BMERB1: variants seen among roughly 807,000 people sequenced by gnomAD.
BMERB1 encodes bMERB domain-containing protein 1.
BMERB1 carries 12 observed loss-of-function variants against 23.6 expected under a neutral mutation model. The ratio of observed to expected loss-of-function variants is 0.51; its 90% CI spans 0.33 to 0.82. The LOEUF is 0.82. Ranked by LOEUF, BMERB1 falls within the 40% of genes least tolerant of loss-of-function variation. The pLI, the probability that BMERB1 is intolerant of heterozygous loss-of-function variation, is 0.03. For synonymous variants in BMERB1, 122 were observed against 96.6 expected (o/e 1.26, Z -1.54); for missense variants, 247 against 255.4 (o/e 0.97, Z 0.22).
intron 3 of BMERB1, among the ~76,000 whole-genome samples, chr16:15,573,419 G>C (rs868439364): frequency 6.6e-6 from 1 of 152,100 alleles, no homozygotes. Flanking sequence ...TTTTAAAGAC[G>C]ATTTGGTGGA....
chr16:15,520,632 C>T (rs1040327000), intron 2 of BMERB1, among the ~76,000 whole-genome samples: 14 of 151,868 alleles, frequency 9.2e-5, no homozygotes, highest in Non-Finnish European at 1.0e-4. Flanking sequence ...TACAGGCGCC[C>T]GCCACCACGC....
At chr16:15,541,405 G>GA (rs2052077445) in intron 2 of BMERB1, among the ~76,000 whole-genome samples, 1 of 149,324 alleles carries the variant, frequency 6.7e-6, no homozygotes, top group African/African-American at 2.5e-5. Context: ...AGTGGGACTG[G>GA]AAGTTGCCCG....
At chr16:15,504,810 A>G (rs2051568885) in intron 1 of BMERB1, among the ~76,000 whole-genome samples, 1 of 152,024 alleles carries the variant, frequency 6.6e-6, no homozygotes, top group Admixed American at 6.6e-5. Context: ...AAACCCAAAC[A>G]AGAGAAAAGG....
At chr16:15,445,865 G>A (rs150825) in intron 1 of BMERB1, among the ~76,000 whole-genome samples, 50,391 of 151,894 alleles carry the variant, frequency 0.33, 9,279 homozygotes, top group Middle Eastern at 0.48. Flanking sequence ...CCCCAAACTG[G>A]AAACAACCCA....
At chr16:15,476,332 T>A (rs1227078456) in intron 1 of BMERB1, among the ~76,000 whole-genome samples, 1 of 152,010 alleles carries the variant, frequency 6.6e-6, no homozygotes, top group Admixed American at 6.6e-5. Context: ...CCGGCTAATT[T>A]TTGTAGTTTC....
At chr16:15,468,162 T>TTTTTTTTTTTTTTTTTTTTTTTTTTTC (rs57267276) in intron 1 of BMERB1, among the ~76,000 whole-genome samples, 3 of 64,532 alleles carry the variant, frequency 4.6e-5, no homozygotes, top group African/African-American at 5.0e-5. Context: ...TTTTTTTTTT[T>TTTTTTTTTTTTTTTTTTTTTTTTTTTC]TGAGGCAGGG....
At chr16:15,481,767 G>A (rs544723987) in intron 1 of BMERB1, among the ~76,000 whole-genome samples, 1 of 150,438 alleles carries the variant, frequency 6.6e-6, no homozygotes, top group South Asian at 2.1e-4. Flanking sequence ...TGTCCCTCAG[G>A]CTGGAGTGCA....
At chr16:15,480,482 A>G (rs1471315466) in intron 1 of BMERB1, among the ~76,000 whole-genome samples, 2 of 151,664 alleles carry the variant, frequency 1.3e-5, no homozygotes, top group South Asian at 4.2e-4. Flanking sequence ...AGTCTATCCT[A>G]TCCCTACTAA....
At chr16:15,487,957 C>G (rs929710035) in intron 1 of BMERB1, among the ~76,000 whole-genome samples, 1 of 152,134 alleles carries the variant, frequency 6.6e-6, no homozygotes, top group South Asian at 2.1e-4. Context: ...GCTTCTTTAC[C>G]GCAACCTGTT....
intron 2 of BMERB1, among the ~76,000 whole-genome samples, chr16:15,557,459 T>C (rs1354496570): frequency 6.6e-6 from 1 of 152,194 alleles, no homozygotes; most frequent in African/African-American, 2.4e-5. Context: ...TATGATTTAA[T>C]GGCATTGGAA....
intron 1 of BMERB1, among the ~76,000 whole-genome samples, chr16:15,495,948 G>T (rs538234386): frequency 6.6e-6 from 1 of 151,828 alleles, no homozygotes; most frequent in South Asian, 2.1e-4. Flanking sequence ...TTCTTTTGTT[G>T]ATGGTGGTGA....
chr16:15,574,982 G>A (rs2030821788), intron 3 of BMERB1, among the ~76,000 whole-genome samples: 1 of 152,188 alleles, frequency 6.6e-6, no homozygotes, highest in Non-Finnish European at 1.5e-5. Flanking sequence ...GGGAGACTGA[G>A]GCAGGAGAAT....
intron 1 of BMERB1, among the ~76,000 whole-genome samples, chr16:15,502,975 A>G (rs919563754): frequency 2.6e-5 from 4 of 152,200 alleles, no homozygotes; most frequent in African/African-American, 9.7e-5. Flanking sequence ...GAATAATGCT[A>G]CTGACCACTC....
At chr16:15,471,672 A>T (rs1186008612) in intron 1 of BMERB1, among the ~76,000 whole-genome samples, 1 of 151,506 alleles carries the variant, frequency 6.6e-6, no homozygotes, top group Non-Finnish European at 1.5e-5. Flanking sequence ...GTGAGACTTG[A>T]CCTCCTGGGC....
intron 1 of BMERB1, among the ~76,000 whole-genome samples, chr16:15,509,335 T>TGGGGGGGAGGGGGGG (rs2051631024): frequency 4.7e-5 from 2 of 42,106 alleles, no homozygotes; most frequent in Non-Finnish European, 9.2e-5. Context: ...GGAAGGGGGG[T>TGGGGGGGAGGGGGGG]GGGGGGGGAG....
chr16:15,586,631 G>A, intron 5 of BMERB1, 86 bp from the exon 6 acceptor site: 1 of 1,119,836 alleles, frequency 8.9e-7, no homozygotes, highest in Non-Finnish European at 1.3e-6. Context: ...GTGGGGCTGG[G>A]CTGCAGATGG....
chr16:15,510,519 C>T (rs11861364), intron 1 of BMERB1, among the ~76,000 whole-genome samples: 2,577 of 152,172 alleles, frequency 0.017, 77 homozygotes, highest in African/African-American at 0.06. Context: ...ATTCATCCCT[C>T]ACATCTGTTT....
chr16:15,479,380 A>G (rs2051300642), intron 1 of BMERB1, among the ~76,000 whole-genome samples: 1 of 152,222 alleles, frequency 6.6e-6, no homozygotes, highest in South Asian at 2.1e-4. Flanking sequence ...AGATCTTTCA[A>G]AGAGTAAGAT....
chr16:15,498,805 GAC>G (rs1193281743), intron 1 of BMERB1, among the ~76,000 whole-genome samples: 1 of 152,236 alleles, frequency 6.6e-6, no homozygotes, highest in Non-Finnish European at 1.5e-5. Flanking sequence ...AGTGTCTGAG[GAC>G]ATTTTGGGTT....
Sources: gnomAD v4.1 joint callset for allele counts (sites outside exome capture counted in the v4.1 genomes callset) on GRCh38, gnomAD v4.1.1 for gene constraint, MANE v1.5 for transcripts, NCBI Gene and HGNC (gene_info 2026-07-23, HGNC 2026-07-21) for gene names.